SLC4A10: variants seen among roughly 807,000 people sequenced by gnomAD.
SLC4A10 encodes solute carrier family 4 member 10, also known as sodium-driven chloride bicarbonate exchanger.
Under a neutral mutation model 137.7 loss-of-function variants are expected in SLC4A10, and 42 were observed. That is an observed-to-expected ratio of 0.30 (90% confidence interval 0.24 to 0.39). The LOEUF (loss-of-function observed/expected upper bound fraction) is 0.39. Ranked by LOEUF, SLC4A10 falls within the 10% of genes least tolerant of loss-of-function variation. SLC4A10 has a pLI of 1.00. For missense variants in SLC4A10, 925 were observed against 1,355.0 expected (o/e 0.68, Z 4.98); for synonymous variants, 474 against 464.1 (o/e 1.02, Z -0.27).
chr2:161,927,178 G>C lies in SLC4A10; in HGVS notation c.1998-15614G>C, dbSNP rs571379507. Among the ~76,000 whole-genome samples, 28 of 152,098 alleles carry C rather than the reference G, an allele frequency of 1.8e-4. No homozygotes were observed. In the East Asian group the frequency reaches 3.1e-3, roughly 17 times the overall value. The stretch of plus-strand genomic sequence containing the variant: ...TTTTCCAACTTGGTTCCATTCTCCC[G>C]GTCACTTTCAGGTACACCAATCGGA... On this transcript the variant is annotated intron_variant, in intron 15 of 26. Transcript: ENST00000446997.
chr2:161,909,346 A>T lies in SLC4A10; in HGVS notation c.1997+3459A>T, dbSNP rs186328408. Among the ~76,000 whole-genome samples the T allele has an allele frequency of 1.4e-3, 209 of 152,244 alleles. 1 individual carries two copies. Among genetic ancestry groups the T allele is most frequent in the Non-Finnish European group, 1.7e-3 (117 of 68,010 alleles). On this transcript the variant is annotated intron_variant, in intron 15 of 26. Coordinates refer to ENST00000446997, the MANE Select transcript of SLC4A10 (RefSeq NM_001178015.2). ...TCCCGCATGTTTAAGTTTTCCTTGG[A>T]TCAATGTGAGCATCTAAAACCTAAT...
chr2:161,746,602 A>G (rs770522342), intron 1 of SLC4A10, among the ~76,000 whole-genome samples: 7 of 152,060 alleles, frequency 4.6e-5, no homozygotes, highest in Non-Finnish European at 1.0e-4. Context: ...CTGGTACCCA[A>G]GTTACCAAAG....
At chr2:161,641,272 T>C (rs991151352) in intron 1 of SLC4A10, among the ~76,000 whole-genome samples, 1 of 152,194 alleles carries the variant, frequency 6.6e-6, no homozygotes, top group Non-Finnish European at 1.5e-5. Context: ...TGTCATTTCT[T>C]ATGAAGATAC....
chr2:161,637,246 G>A (rs951077396), intron 1 of SLC4A10, among the ~76,000 whole-genome samples: 42 of 151,314 alleles, frequency 2.8e-4, no homozygotes, highest in African/African-American at 9.9e-4. Flanking sequence ...TGTCCAGGCT[G>A]GAGTGCAGTA....
At chr2:161,631,217 G>C (rs2033489780) in intron 1 of SLC4A10, among the ~76,000 whole-genome samples, 1 of 151,634 alleles carries the variant, frequency 6.6e-6, no homozygotes, top group Admixed American at 6.6e-5. Flanking sequence ...AAATTACGTG[G>C]CGGTGATGGT....
intron 1 of SLC4A10, among the ~76,000 whole-genome samples, chr2:161,660,507 A>G (rs2038142097): frequency 6.6e-6 from 1 of 152,204 alleles, no homozygotes; most frequent in South Asian, 2.1e-4. Flanking sequence ...ATCCTTTTGG[A>G]TGAAAAGTAA....
rs865894845 is a variant in SLC4A10, at chr2:161,858,702, A to G, written c.577+3572A>G. Reference sequence around the variant, plus strand: ...CATTATAAAGATTAATGATGGAAATATCCTCTCTGCAGTGTGTGTATACTT... The same window carrying G: ...CATTATAAAGATTAATGATGGAAATGTCCTCTCTGCAGTGTGTGTATACTT... On this transcript the variant is annotated intron_variant, in intron 5 of 26. Transcript: ENST00000446997. 7.2e-5 allele frequency among the ~76,000 whole-genome samples: 11 copies of G among 152,334 alleles called. No individual in the cohort carries two copies. The Middle Eastern group carries it at 0.014, about 188-fold the overall frequency.
At chr2:161,806,128 C>T (rs2125608604) in intron 3 of SLC4A10, among the ~76,000 whole-genome samples, 1 of 152,294 alleles carries the variant, frequency 6.6e-6, no homozygotes, top group Admixed American at 6.5e-5. Flanking sequence ...AAGCCACAGC[C>T]TGAGCTCTAC....
chr2:161,840,546 T>G (rs2059116681), intron 4 of SLC4A10, among the ~76,000 whole-genome samples: 1 of 152,240 alleles, frequency 6.6e-6, no homozygotes, highest in Non-Finnish European at 1.5e-5. Flanking sequence ...TTCTTTCTGA[T>G]TTGCTCAGTT....
chr2:161,720,688 C>G (rs891061775), intron 1 of SLC4A10, among the ~76,000 whole-genome samples: 2 of 152,158 alleles, frequency 1.3e-5, no homozygotes, highest in Non-Finnish European at 2.9e-5. Context: ...TTGTCAGAAA[C>G]TAGGATTTCA....
intron 15 of SLC4A10, among the ~76,000 whole-genome samples, chr2:161,933,270 T>G (rs2105664503): frequency 6.7e-6 from 1 of 150,034 alleles, no homozygotes; most frequent in African/African-American, 2.4e-5. Context: ...TTCTCCTTCC[T>G]TCCTTTCTTT....
At chr2:161,791,555 G>A (rs1478029948) in intron 2 of SLC4A10, among the ~76,000 whole-genome samples, 1 of 152,086 alleles carries the variant, frequency 6.6e-6, no homozygotes, top group Non-Finnish European at 1.5e-5. Context: ...GATCTGTGCA[G>A]CAAACCACCG....
At position 161,905,374 on chromosome 2, in the gene SLC4A10, C is replaced by T. The variant is rs149697593; in HGVS notation, c.1752-268C>T. ...GGCTTGTGCTCCTATGAGAATCTAA[C>T]GTCCCCACTGATCTGACAAGAGTCT... is the stretch of plus-strand genomic sequence containing the variant. On this transcript the variant is annotated intron_variant, in intron 14 of 26. Coordinates refer to ENST00000446997, the MANE Select transcript of SLC4A10 (RefSeq NM_001178015.2). Among the ~76,000 whole-genome samples, 33 of 152,278 alleles carry T rather than the reference C, an allele frequency of 2.2e-4. No homozygotes were observed. In the East Asian group the frequency reaches 3.1e-3, roughly 14 times the overall value.
At chr2:161,712,831 C>A (rs12474713) in intron 1 of SLC4A10, among the ~76,000 whole-genome samples, 11,333 of 151,792 alleles carry the variant, frequency 0.075, 529 homozygotes, top group East Asian at 0.14. Context: ...CTGTTTCCCC[C>A]AAATTGGCAG....
chr2:161,660,578 T>A (rs1163808960), intron 1 of SLC4A10, among the ~76,000 whole-genome samples: 1 of 129,744 alleles, frequency 7.7e-6, no homozygotes, highest in Admixed American at 8.0e-5. Context: ...CTTTCTTTCT[T>A]TCTTTCTTTC....
chr2:161,893,866 T>C (rs2063175503), intron 10 of SLC4A10, among the ~76,000 whole-genome samples: 1 of 152,000 alleles, frequency 6.6e-6, no homozygotes, highest in Non-Finnish European at 1.5e-5. Flanking sequence ...GCTCCTCAAC[T>C]TTCAATGGGG....
chr2:161,653,173 C>A (rs2037045147), intron 1 of SLC4A10, among the ~76,000 whole-genome samples: 1 of 152,164 alleles, frequency 6.6e-6, no homozygotes, highest in African/African-American at 2.4e-5. Flanking sequence ...CCGCAAAGGA[C>A]ATGAACTCAT....
At chr2:161,864,492 T>C (rs1314559323) in intron 6 of SLC4A10, among the ~76,000 whole-genome samples, 1 of 152,210 alleles carries the variant, frequency 6.6e-6, no homozygotes, top group African/African-American at 2.4e-5. Context: ...GATGATTAGA[T>C]GTAATTTTGT....
chr2:161,721,001 G>A (rs777945398), intron 1 of SLC4A10, among the ~76,000 whole-genome samples: 3 of 151,936 alleles, frequency 2.0e-5, no homozygotes, highest in Non-Finnish European at 4.4e-5. Flanking sequence ...GCTAATTTTT[G>A]TAGTTTTAGC....
Sources: allele counts gnomAD v4.1 joint callset (sites outside exome capture counted in the v4.1 genomes callset), GRCh38; gene constraint gnomAD v4.1.1; transcripts MANE v1.5; gene names NCBI Gene and HGNC (gene_info 2026-07-23, HGNC 2026-07-21).